Variants in CALCRL observed in about 807,000 individuals in gnomAD.
The protein encoded by CALCRL is calcitonin receptor like receptor, also known as calcitonin gene-related peptide type 1 receptor.
A neutral mutation model predicts 60.4 loss-of-function variants in CALCRL; 27 were observed. The observed-to-expected ratio is 0.45, with a 90% CI of 0.33 to 0.62. The LOEUF (loss-of-function observed/expected upper bound fraction) is 0.62. CALCRL is among the 20% of genes least tolerant of loss of function. The pLI is 0.03. For missense variants in CALCRL, 424 were observed against 540.7 expected, an observed-to-expected ratio of 0.78 and a Z score of 2.14; for synonymous variants, 190 against 182.6, an observed-to-expected ratio of 1.04 and a Z score of -0.33.
At chr2:187,413,798 A>T (rs1261665461) in intron 1 of CALCRL, among the ~76,000 whole-genome samples, 1 of 152,132 alleles carries the variant, frequency 6.6e-6, no homozygotes, top group Non-Finnish European at 1.5e-5. Context: ...TCTTAAGGGA[A>T]GTGAGAGTTA....
At chr2:187,413,239 G>A (rs191968152) in intron 1 of CALCRL, among the ~76,000 whole-genome samples, 6 of 152,050 alleles carry the variant, frequency 3.9e-5, no homozygotes, top group East Asian at 3.9e-4. Context: ...TAACATGAGC[G>A]AAGACAAAAG....
Position 187,352,259 on chromosome 2 carries a change from G to C in CALCRL, c.983C>G (p.Ser328Cys), listed in dbSNP as rs750202963. The change falls in exon 13 of 15, where the codon TCC becomes TGC. Residue 328 changes from serine (S) to cysteine (C), a missense_variant. By Grantham distance (112) the Ser-to-Cys change is moderately radical (BLOSUM62 -1). Transcript: ENST00000392370. ...TKLKVTHQAESNLYMKAVRAT... is the reference protein window; with the variant it reads ...TKLKVTHQAECNLYMKAVRAT... ...TCTCACAGCTTTCATGTACAGATTG[G>C]ATTCCGCTTGGTGTGTAACTTTTAA... 5.6e-6 allele frequency: 9 copies of C among 1,612,250 alleles called. No individual in the cohort carries two copies. In the Admixed American group the frequency reaches 1.2e-4, roughly 21 times the overall value.
At chr2:187,350,560 T>TAA (rs1182120720) in intron 14 of CALCRL, among the ~76,000 whole-genome samples, 2 of 150,950 alleles carry the variant, frequency 1.3e-5, no homozygotes, top group Non-Finnish European at 3.0e-5. Context: ...TCATTACAAA[T>TAA]AAATAAATAT....
At chr2:187,388,022 A>G (rs1011477333) in intron 1 of CALCRL, among the ~76,000 whole-genome samples, 2 of 152,204 alleles carry the variant, frequency 1.3e-5, no homozygotes, top group Middle Eastern at 3.6e-3. Flanking sequence ...TCTATGAGTA[A>G]ATAATTTTTA....
intron 8 of CALCRL, among the ~76,000 whole-genome samples, chr2:187,375,395 G>A (rs955048341): frequency 4.6e-5 from 7 of 151,844 alleles, no homozygotes; most frequent in African/African-American, 1.7e-4. Context: ...GAATAAACAG[G>A]TAATTGTACT....
intron 1 of CALCRL, among the ~76,000 whole-genome samples, chr2:187,394,572 T>G (rs1249325654): frequency 6.6e-6 from 1 of 152,048 alleles, no homozygotes; most frequent in Non-Finnish European, 1.5e-5. Context: ...CCTCTTAACC[T>G]TAACAATACA....
chr2:187,445,630 G>T lies in CALCRL; in HGVS notation c.-293+2409C>A, dbSNP rs373384407. On this transcript the variant is annotated intron_variant, in intron 1 of 14. Transcript: ENST00000392370. ...GATGCTATTAACTGAAATTCAGTTAGTGTTTATGTGTTTATCAAATACTTT... is the reference window on the plus strand; with the variant it reads ...GATGCTATTAACTGAAATTCAGTTATTGTTTATGTGTTTATCAAATACTTT... Among the ~76,000 whole-genome samples the T allele has an allele frequency of 4.9e-4, 74 of 151,566 alleles. 1 individual carries two copies. In the South Asian group the frequency reaches 0.012, roughly 24 times the overall value.
chr2:187,370,304 C>T (rs1483761233), intron 8 of CALCRL, among the ~76,000 whole-genome samples: 5 of 151,890 alleles, frequency 3.3e-5, no homozygotes, highest in Non-Finnish European at 7.4e-5. Flanking sequence ...AATAAACTGT[C>T]TATAATAATG....
Position 187,388,098 on chromosome 2 carries a change from A to G in CALCRL, c.-292-342T>C, listed in dbSNP as rs905523243. 3.9e-5 allele frequency among the ~76,000 whole-genome samples: 6 copies of G among 151,924 alleles called. No individual in the cohort carries two copies. In the East Asian group the frequency reaches 9.6e-4, roughly 24 times the overall value. On this transcript the variant is annotated intron_variant, in intron 1 of 14. Transcript: ENST00000392370. ...TTAGATATTTACATTTTTTTCATAGAATTACTAAAATGTTTTCCTTAGGCA... is the reference window on the plus strand; with the variant it reads ...TTAGATATTTACATTTTTTTCATAGGATTACTAAAATGTTTTCCTTAGGCA...
intron 1 of CALCRL, among the ~76,000 whole-genome samples, chr2:187,406,315 A>G (rs1689124067): frequency 6.6e-6 from 1 of 152,054 alleles, no homozygotes; most frequent in African/African-American, 2.4e-5. Context: ...TTTTGTTTTA[A>G]CTCTATTTTA....
intron 1 of CALCRL, among the ~76,000 whole-genome samples, chr2:187,444,310 A>C (rs1412134543): frequency 6.6e-6 from 1 of 151,636 alleles, no homozygotes; most frequent in African/African-American, 2.4e-5. Context: ...CAGCAGTGTT[A>C]ATAAAATATA....
At chr2:187,372,464 C>T (rs931283882) in intron 8 of CALCRL, among the ~76,000 whole-genome samples, 1 of 151,904 alleles carries the variant, frequency 6.6e-6, no homozygotes, top group Non-Finnish European at 1.5e-5. Flanking sequence ...TTTTTATCTC[C>T]TGCTCTGACT....
At chr2:187,439,691 T>C (rs931278691) in intron 1 of CALCRL, among the ~76,000 whole-genome samples, 4 of 152,126 alleles carry the variant, frequency 2.6e-5, no homozygotes, top group African/African-American at 4.8e-5. Context: ...TGGAGCAAGA[T>C]GGCAGGGTGG....
intron 1 of CALCRL, among the ~76,000 whole-genome samples, chr2:187,447,357 T>A (rs1420232236): frequency 6.6e-6 from 1 of 151,858 alleles, no homozygotes; most frequent in African/African-American, 2.4e-5. Context: ...AAATCTACAT[T>A]TCCTAAACTC....
intron 1 of CALCRL, among the ~76,000 whole-genome samples, chr2:187,390,795 G>T (rs1440822829): frequency 2.0e-5 from 3 of 152,100 alleles, no homozygotes; most frequent in African/African-American, 7.2e-5. Flanking sequence ...AAGGGGGCAG[G>T]TGTATGGCCC....
rs1686146279 is a variant in CALCRL at position 187,342,965 on chromosome 2, A to G, written c.*3219T>C. 6.6e-6 allele frequency among the ~76,000 whole-genome samples: 1 copy of G among 151,600 alleles called. No homozygotes were observed. Among genetic ancestry groups the G allele is most frequent in the Non-Finnish European group, 1.5e-5 (1 of 67,614 alleles). On this transcript the variant is annotated 3_prime_UTR_variant, in exon 15 of 15. Transcript: ENST00000392370. Reference sequence around the variant, plus strand: ...ACTTATTTTTCTTTCTAATATTTAAACAAAACTACAAAATGAAATATAGTA... The same window carrying G: ...ACTTATTTTTCTTTCTAATATTTAAGCAAAACTACAAAATGAAATATAGTA...
intron 1 of CALCRL, among the ~76,000 whole-genome samples, chr2:187,398,233 T>C (rs889042394): frequency 1.3e-5 from 2 of 151,682 alleles, no homozygotes; most frequent in South Asian, 2.1e-4. Context: ...TCTTTCCAGC[T>C]CTTTGGAATG....
chr2:187,406,197 A>C (rs984789989), intron 1 of CALCRL, among the ~76,000 whole-genome samples: 3 of 150,768 alleles, frequency 2.0e-5, no homozygotes, highest in East Asian at 3.9e-4. Context: ...CAAAAAAAAA[A>C]ACACAAATCT....
intron 14 of CALCRL, among the ~76,000 whole-genome samples, chr2:187,347,911 A>C (rs1686354653): frequency 6.6e-6 from 1 of 151,814 alleles, no homozygotes; most frequent in South Asian, 2.1e-4. Flanking sequence ...TAGTTCAAAA[A>C]TTATATAATT....
Sources: gnomAD v4.1 joint callset for allele counts (sites outside exome capture counted in the v4.1 genomes callset) on GRCh38, gnomAD v4.1.1 for gene constraint, MANE v1.5 for transcripts, NCBI Gene and HGNC (gene_info 2026-07-23, HGNC 2026-07-21) for gene names.